SPIRE1: variants seen among roughly 807,000 people sequenced by gnomAD.
SPIRE1 encodes protein spire homolog 1.
Under a neutral mutation model 94.1 loss-of-function variants are expected in SPIRE1, and 40 were observed. The observed-to-expected ratio is 0.43, with a 90% CI of 0.33 to 0.55. The LOEUF (loss-of-function observed/expected upper bound fraction) is 0.55. SPIRE1 is among the 20% of genes least tolerant of loss of function. The probability of loss-of-function intolerance (pLI) is 0.06; values close to 1 mark genes in which losing one functional copy is unlikely to be tolerated. For missense variants in SPIRE1, 838 were observed against 975.2 expected, an observed-to-expected ratio of 0.86 and a Z score of 1.87; for synonymous variants, 376 against 371.7, an observed-to-expected ratio of 1.01 and a Z score of -0.13.
intron 12 of SPIRE1, chr18:12,460,010 A>AT (rs2031712099): frequency 1.6e-6 from 1 of 624,246 alleles, no homozygotes. Context: ...TGACCTACAC[A>AT]TAGTGATTAC....
intron 2 of SPIRE1, among the ~76,000 whole-genome samples, chr18:12,606,720 C>T (rs898611941): frequency 8.6e-5 from 13 of 152,004 alleles, no homozygotes; most frequent in African/African-American, 2.9e-4. Context: ...TGGTAGAGAC[C>T]GGGTTTCGCC....
At chr18:12,652,801 G>A (rs1482210799) in intron 1 of SPIRE1, among the ~76,000 whole-genome samples, 2 of 152,106 alleles carry the variant, frequency 1.3e-5, no homozygotes, top group East Asian at 3.8e-4. Flanking sequence ...ATTCTCAGAT[G>A]TATCAATACT....
chr18:12,568,924 G>A (rs2035883472), intron 2 of SPIRE1, among the ~76,000 whole-genome samples: 1 of 152,190 alleles, frequency 6.6e-6, no homozygotes, highest in Non-Finnish European at 1.5e-5. Context: ...ACATCCTGGA[G>A]GAACTGCTAG....
At chr18:12,460,345 C>T (rs959757153) in intron 12 of SPIRE1, among the ~76,000 whole-genome samples, 4 of 151,930 alleles carry the variant, frequency 2.6e-5, no homozygotes, top group South Asian at 2.1e-4. Context: ...CATTTGCCCT[C>T]GGTTATTTGA....
At chr18:12,595,393 C>CT (rs1328122908) in intron 2 of SPIRE1, among the ~76,000 whole-genome samples, 2 of 152,130 alleles carry the variant, frequency 1.3e-5, no homozygotes, top group East Asian at 3.8e-4. Context: ...TCAATCAAAA[C>CT]TTAAGTTTGA....
intron 2 of SPIRE1, among the ~76,000 whole-genome samples, chr18:12,558,176 C>A (rs1235891388): frequency 6.6e-6 from 1 of 152,164 alleles, no homozygotes; most frequent in African/African-American, 2.4e-5. Flanking sequence ...GGAGTTTCTT[C>A]CTTCAAATGT....
chr18:12,634,533 A>C (rs1196497705), intron 2 of SPIRE1, among the ~76,000 whole-genome samples: 1 of 152,166 alleles, frequency 6.6e-6, no homozygotes, highest in East Asian at 1.9e-4. Flanking sequence ...AATGATAATT[A>C]AGCTATTCTT....
intron 2 of SPIRE1, among the ~76,000 whole-genome samples, chr18:12,600,196 G>T (rs1427905222): frequency 2.0e-5 from 3 of 151,452 alleles, no homozygotes; most frequent in Admixed American, 2.0e-4. Flanking sequence ...ATCCTTCCCA[G>T]ACTAAGCCTC....
chr18:12,539,616 T>C lies in SPIRE1; in HGVS notation c.604-4015A>G, dbSNP rs542261125. ...ACACACACACACACACACACACACG[T>C]TGGGAATAACAGCTACTATTAAGAA... On this transcript the variant is annotated intron_variant, in intron 3 of 16. Transcript: ENST00000409402. Among the ~76,000 whole-genome samples, 12 of 137,090 alleles carry C rather than the reference T, an allele frequency of 8.8e-5. No homozygotes were observed. The East Asian group carries it at 2.3e-3, about 26-fold the overall frequency. The allele number at this position is 137,090 out of a possible 152,430, so 89.9% of individuals were successfully genotyped here. A position where few individuals can be genotyped will look rare whatever the true frequency, so the allele number is the denominator to read the frequency against.
At chr18:12,538,870 G>A (rs938827534) in intron 3 of SPIRE1, among the ~76,000 whole-genome samples, 1 of 152,076 alleles carries the variant, frequency 6.6e-6, no homozygotes, top group African/African-American at 2.4e-5. Flanking sequence ...CCATCAGTAA[G>A]TCTTGTTGTT....
At chr18:12,621,022 T>C (rs2037451073) in intron 2 of SPIRE1, among the ~76,000 whole-genome samples, 4 of 152,184 alleles carry the variant, frequency 2.6e-5, no homozygotes, top group Admixed American at 2.6e-4. Context: ...GCCACTGCAC[T>C]CTAGCCTGGT....
At position 12,448,703 on chromosome 18, in the gene SPIRE1, T is replaced by C. The variant is rs2031068779; in HGVS notation, c.*935A>G. 6.6e-6 allele frequency: 1 copy of C among 152,210 alleles called. No individual in the cohort carries two copies. The highest frequency in any genetic ancestry group is 1.5e-5 in the Non-Finnish European group (1 of 68,036). The allele number at this position is 152,210 out of a possible 1,614,324, so 9.4% of individuals were successfully genotyped here. ...AAATTGTGGCTTAATTTACTCAAGA[T>C]GGATGTACTACAAAGTTATGAAAAA... On this transcript the variant is annotated 3_prime_UTR_variant, in exon 17 of 17. Transcript: ENST00000409402. This position sits in a 1 kb window ranked among gnomAD's most constrained non-coding sequence, Gnocchi z 4.4.
chr18:12,628,881 A>G (rs1463454524), intron 2 of SPIRE1, among the ~76,000 whole-genome samples: 1 of 152,106 alleles, frequency 6.6e-6, no homozygotes, highest in Non-Finnish European at 1.5e-5. Context: ...AGTAAGCTGT[A>G]AAATATTTCT....
At chr18:12,519,453 A>G (rs2034297526) in intron 4 of SPIRE1, among the ~76,000 whole-genome samples, 1 of 152,182 alleles carries the variant, frequency 6.6e-6, no homozygotes. Flanking sequence ...ACTCTGCTCT[A>G]CATAGCTGGA....
At chr18:12,539,574 CAT>C (rs1041108118) in intron 3 of SPIRE1, among the ~76,000 whole-genome samples, 1 of 148,038 alleles carries the variant, frequency 6.8e-6, no homozygotes, top group Non-Finnish European at 1.5e-5. Flanking sequence ...TAAACATACA[CAT>C]ACACACACAC....
At chr18:12,603,512 C>T in intron 2 of SPIRE1, among the ~76,000 whole-genome samples, 1 of 151,578 alleles carries the variant, frequency 6.6e-6, no homozygotes. Context: ...AGGACTGGGA[C>T]TTTCAGCACC....
At chr18:12,646,049 GT>G (rs1417155501) in intron 1 of SPIRE1, among the ~76,000 whole-genome samples, 1 of 152,182 alleles carries the variant, frequency 6.6e-6, no homozygotes, top group East Asian at 1.9e-4. Flanking sequence ...AAAAAATGCG[GT>G]AACTGATTAG....
At chr18:12,504,223 G>A (rs943029328) in intron 6 of SPIRE1, among the ~76,000 whole-genome samples, 5 of 147,576 alleles carry the variant, frequency 3.4e-5, no homozygotes, top group Non-Finnish European at 7.5e-5. Context: ...ACCAAGTGAC[G>A]TGGCTGGGCA....
intron 12 of SPIRE1, among the ~76,000 whole-genome samples, chr18:12,461,103 G>C (rs2031777720): frequency 6.6e-6 from 1 of 152,082 alleles, no homozygotes; most frequent in African/African-American, 2.4e-5. Flanking sequence ...TGCACGGCCT[G>C]ACCTCGCAAC....
Sources: allele counts gnomAD v4.1 joint callset (sites outside exome capture counted in the v4.1 genomes callset), GRCh38; gene constraint gnomAD v4.1.1; non-coding constraint Gnocchi (gnomAD v3.1); transcripts MANE v1.5; gene names NCBI Gene and HGNC (gene_info 2026-07-23, HGNC 2026-07-21).